CDH22: variants seen among roughly 807,000 people sequenced by gnomAD.
The protein encoded by CDH22 is cadherin-22.
Under a neutral mutation model 58.4 loss-of-function variants are expected in CDH22, and 30 were observed. The observed-to-expected ratio is 0.51, with a 90% CI of 0.38 to 0.70. CDH22 has a LOEUF of 0.70. Ranked by LOEUF, CDH22 falls within the 30% of genes least tolerant of loss-of-function variation. CDH22 has a pLI of 0.00. For missense variants in CDH22, 1,014 were observed against 1,233.9 expected (o/e 0.82, Z 2.67); for synonymous variants, 513 against 558.2 (o/e 0.92, Z 1.14).
intron 10 of CDH22, among the ~76,000 whole-genome samples, chr20:46,182,297 T>C (rs1476904610): frequency 6.6e-6 from 1 of 152,238 alleles, no homozygotes; most frequent in Non-Finnish European, 1.5e-5. Flanking sequence ...ATGCGGTCCC[T>C]GTCCTTGCTG....
intron 8 of CDH22, 97 bp downstream of exon 8, chr20:46,199,326 G>T: frequency 7.1e-7 from 1 of 1,414,784 alleles, no homozygotes; most frequent in Admixed American, 2.3e-5. Context: ...GACTGACAGG[G>T]CTGCCTTGGC....
At position 46,174,567 on chromosome 20, in the gene CDH22, A is replaced by C; in HGVS notation, c.2426T>G (p.Phe809Cys). 6.5e-7 allele frequency: 1 copy of C among 1,528,272 alleles called. No individual in the cohort carries two copies. Among genetic ancestry groups the C allele is most frequent in the Non-Finnish European group, 8.7e-7 (1 of 1,143,090 alleles). 94.7% of individuals were successfully genotyped at this position (1,528,272 alleles called of 1,614,324 possible). Residue 809 changes from phenylalanine (F) to cysteine (C), a missense_variant, in exon 12 of 12, where the codon TTC (phenylalanine) becomes TGC (cysteine). Coordinates refer to ENST00000537909, the MANE Select transcript of CDH22 (RefSeq NM_021248.3). This position sits in a 1 kb window ranked among gnomAD's most constrained non-coding sequence, Gnocchi z 4.4. Reference protein sequence around the residue: ...FAYLSSWGPRFRPLAALYAGH... With the variant: ...FAYLSSWGPRCRPLAALYAGH... ...GGCGTAGAGCGCGGCCAGGGGCCGG[A>C]AGCGCGGACCCCAGCTGCTGAGATA...
chr20:46,250,977 G>T, intron 2 of CDH22, 63 bp downstream of exon 2: 1 of 981,996 alleles, frequency 1.0e-6, no homozygotes, highest in Non-Finnish European at 1.6e-6. Flanking sequence ...AGGGTTTCTT[G>T]TATCTACCCG....
At chr20:46,304,745 G>T (rs1196551708) in intron 1 of CDH22, among the ~76,000 whole-genome samples, 2 of 152,232 alleles carry the variant, frequency 1.3e-5, no homozygotes, top group Non-Finnish European at 1.5e-5. Context: ...TGTGCCCATT[G>T]TAAGAGAGCT....
chr20:46,242,519 G>A (rs981079512), intron 2 of CDH22, among the ~76,000 whole-genome samples: 1 of 152,214 alleles, frequency 6.6e-6, no homozygotes, highest in Non-Finnish European at 1.5e-5. Flanking sequence ...ATCCATACAA[G>A]GCCCTTAGCA....
At chr20:46,298,609 G>A (rs979953426) in intron 1 of CDH22, among the ~76,000 whole-genome samples, 5 of 152,102 alleles carry the variant, frequency 3.3e-5, no homozygotes, top group African/African-American at 1.2e-4. Context: ...GGAGGATGAT[G>A]GATTGGATAA....
chr20:46,199,736 C>G (rs778781490), intron 7 of CDH22, among the ~76,000 whole-genome samples, 177 bp from the exon 8 acceptor site: 25 of 152,176 alleles, frequency 1.6e-4, no homozygotes, highest in Non-Finnish European at 2.6e-4. Context: ...ATTTCACTTG[C>G]ACGGGTAGCT....
intron 1 of CDH22, among the ~76,000 whole-genome samples, chr20:46,252,718 G>A (rs890539720): frequency 6.6e-6 from 1 of 152,226 alleles, no homozygotes; most frequent in South Asian, 2.1e-4. Context: ...GGTTTGGCCA[G>A]TTGCCAGGGG....
chr20:46,231,367 G>A (rs2086219809), intron 3 of CDH22, among the ~76,000 whole-genome samples: 1 of 152,168 alleles, frequency 6.6e-6, no homozygotes, highest in Admixed American at 6.5e-5. Context: ...AAATAACATT[G>A]ATGTGGAGCC....
chr20:46,191,519 A>G (rs1225868775), intron 8 of CDH22, among the ~76,000 whole-genome samples: 1 of 152,144 alleles, frequency 6.6e-6, no homozygotes, highest in Non-Finnish European at 1.5e-5. Context: ...TCCCTGGAAG[A>G]ATGGCAACAA....
chr20:46,188,048 T>C (rs906635118), intron 8 of CDH22, among the ~76,000 whole-genome samples: 3 of 152,172 alleles, frequency 2.0e-5, no homozygotes, highest in Non-Finnish European at 4.4e-5. Flanking sequence ...AAGATCATGG[T>C]CCCTGTCTTA....
At chr20:46,233,470 A>T (rs2086232978) in intron 3 of CDH22, among the ~76,000 whole-genome samples, 1 of 152,242 alleles carries the variant, frequency 6.6e-6, no homozygotes, top group Non-Finnish European at 1.5e-5. Flanking sequence ...AGTATCTGTG[A>T]TAGCATCCTT....
intron 1 of CDH22, among the ~76,000 whole-genome samples, chr20:46,269,252 T>C (rs2086476175): frequency 6.6e-6 from 1 of 152,142 alleles, no homozygotes; most frequent in African/African-American, 2.4e-5. Context: ...CCTGCTCCAA[T>C]TACCAGCCCT....
intron 11 of CDH22, among the ~76,000 whole-genome samples, chr20:46,176,706 G>A (rs901905216): frequency 6.6e-6 from 1 of 152,268 alleles, no homozygotes; most frequent in Non-Finnish European, 1.5e-5. Flanking sequence ...GAGCACGAGA[G>A]CTGGGGACAG....
intron 1 of CDH22, among the ~76,000 whole-genome samples, chr20:46,259,674 A>G (rs1324622667): frequency 6.6e-6 from 1 of 152,194 alleles, no homozygotes; most frequent in Non-Finnish European, 1.5e-5. Context: ...GGAGGGGGGC[A>G]TTGGAGCTGA....
intron 1 of CDH22, among the ~76,000 whole-genome samples, chr20:46,283,511 G>A (rs987526188): frequency 2.6e-5 from 4 of 152,148 alleles, no homozygotes; most frequent in Admixed American, 1.3e-4. Context: ...TGTCATTACC[G>A]TAGTTACAAG....
chr20:46,205,718 A>G (rs1020116432), intron 7 of CDH22, among the ~76,000 whole-genome samples: 5 of 152,094 alleles, frequency 3.3e-5, no homozygotes, highest in African/African-American at 1.2e-4. Context: ...CAAGCCTTCT[A>G]AGGCTTCCCA....
chr20:46,227,711 G>A, intron 3 of CDH22, 84 bp from the exon 4 acceptor site: 1 of 1,515,188 alleles, frequency 6.6e-7, no homozygotes, highest in South Asian at 1.3e-5. Context: ...CAGGGAAGCT[G>A]GGAGAGGAGA....
intron 6 of CDH22, among the ~76,000 whole-genome samples, chr20:46,211,273 G>A (rs1222264968): frequency 6.6e-6 from 1 of 152,230 alleles, no homozygotes; most frequent in Non-Finnish European, 1.5e-5. Flanking sequence ...GAGCTGCAGG[G>A]ACCTCAGCTA....
Sources: allele counts gnomAD v4.1 joint callset (sites outside exome capture counted in the v4.1 genomes callset), GRCh38; gene constraint gnomAD v4.1.1; non-coding constraint Gnocchi (gnomAD v3.1); transcripts MANE v1.5; gene names NCBI Gene and HGNC (gene_info 2026-07-23, HGNC 2026-07-21).